SLC36A1: variants seen among roughly 807,000 people sequenced by gnomAD.
SLC36A1 encodes proton-coupled amino acid transporter 1.
SLC36A1 carries 30 observed loss-of-function variants against 47.5 expected under a neutral mutation model. That is an observed-to-expected ratio of 0.63 (90% CI 0.47 to 0.86). SLC36A1 has a LOEUF of 0.86. Among genes scored for constraint, SLC36A1 ranks in the 40% least tolerant of loss-of-function variants. The pLI, the probability that SLC36A1 is intolerant of heterozygous loss-of-function variation, is 0.00. For synonymous variants in SLC36A1, 255 were observed against 249.7 expected (o/e 1.02, Z -0.20); for missense variants, 517 against 606.0 (o/e 0.85, Z 1.54).
At chr5:151,556,066 C>T in the SLC36A1 span, among the ~76,000 whole-genome samples, 1 of 152,176 alleles carries the variant, frequency 6.6e-6, no homozygotes, top group Non-Finnish European at 1.5e-5. Flanking sequence ...TCGGTAAGTA[C>T]ATAGCACACA....
At chr5:151,385,037 T>TGTGTGTGTGTGTGTGTGTGTGA in the SLC36A1 span, among the ~76,000 whole-genome samples, 19 of 142,108 alleles carry the variant, frequency 1.3e-4, no homozygotes, top group African/African-American at 5.3e-4. Flanking sequence ...TGTGTGTGTG[T>TGTGTGTGTGTGTGTGTGTGTGA]GAGAGAGAGA....
chr5:151,504,311 C>T, the SLC36A1 span: 1,505 of 152,452 alleles, frequency 9.9e-3, 59 homozygotes, highest in East Asian at 0.13. Context: ...TATGAAAAGG[C>T]AGTGGACCAG....
intron 6 of SLC36A1, 21 bp downstream of exon 6, chr5:151,467,304 GAAAAA>G (rs373057431): frequency 8.7e-6 from 7 of 807,264 alleles, no homozygotes; most frequent in South Asian, 1.8e-5. Flanking sequence ...GGTTAAAAAA[GAAAAA>G]AAAAAAAAAA....
chr5:151,512,825 A>G, the SLC36A1 span: 2 of 572,598 alleles, frequency 3.5e-6, no homozygotes, highest in African/African-American at 3.7e-5. This position sits in a 1 kb window ranked among gnomAD's most constrained non-coding sequence, Gnocchi z 4.1. Context: ...TGGTCTGGGT[A>G]GGGGGTGACA....
At chr5:151,411,697 T>A in the SLC36A1 span, among the ~76,000 whole-genome samples, 1 of 144,596 alleles carries the variant, frequency 6.9e-6, no homozygotes, top group African/African-American at 2.5e-5. Flanking sequence ...CCTTGACACC[T>A]CCCAGAATCT....
chr5:151,522,936 A>C, the SLC36A1 span, among the ~76,000 whole-genome samples: 1 of 152,202 alleles, frequency 6.6e-6, no homozygotes, highest in Admixed American at 6.5e-5. Context: ...TCACTTAAGT[A>C]GGGAAAAGAA....
At chr5:151,492,685 T>A (rs1760214720), downstream of SLC36A1, among the ~76,000 whole-genome samples, 1 of 152,246 alleles carries the variant, frequency 6.6e-6, no homozygotes, top group African/African-American at 2.4e-5. Flanking sequence ...GCCAGTTTTA[T>A]ATGTGTCAAC....
chr5:151,427,616 A>C, the SLC36A1 span, among the ~76,000 whole-genome samples: 1 of 152,278 alleles, frequency 6.6e-6, no homozygotes, highest in South Asian at 2.1e-4. Flanking sequence ...GTAGAGCCTG[A>C]AAGGACTTCT....
At position 151,488,281 on chromosome 5, in the gene SLC36A1, C is replaced by A; in HGVS notation, c.*27C>A. 1 of 1,608,518 alleles carries A rather than the reference C, an allele frequency of 6.2e-7. No individual in the cohort carries two copies. The highest frequency in any genetic ancestry group is 1.1e-5 in the South Asian group (1 of 90,200). The stretch of plus-strand genomic sequence containing the variant: ...GATCTGGGTTCGTCTCTGCAGCTGC[C>A]TACCCCTGCCCCATGTGTCCCCCGT... On this transcript the variant is annotated 3_prime_UTR_variant, in exon 11 of 11. Transcript: ENST00000243389.
At chr5:151,553,103 G>A in the SLC36A1 span, 19 of 1,463,300 alleles carry the variant, frequency 1.3e-5, no homozygotes, top group Non-Finnish European at 1.7e-5. Context: ...CAGAAGGACT[G>A]TAGCAGGAAA....
Position 151,473,694 on chromosome 5 carries a change from C to T in SLC36A1, c.745C>T (p.Leu249Phe), listed in dbSNP as rs916160321. 3 of 1,613,544 alleles carry T rather than the reference C, an allele frequency of 1.9e-6. No homozygotes were observed. Among genetic ancestry groups the T allele is most frequent in the Non-Finnish European group, 2.5e-6 (3 of 1,179,636 alleles). ...TCAGAGGATCCCAGACCCCAGCCAC[C>T]TCCCCTTGGTGGCCCCTTGGAAGAC... Reference protein sequence around the residue: ...IVQRIPDPSHLPLVAPWKTYP... With the variant: ...IVQRIPDPSHFPLVAPWKTYP... Residue 249 changes from leucine to phenylalanine, a missense_variant, in exon 8 of 11, where the codon CTC becomes TTC. Transcript: ENST00000243389.
chr5:151,386,944 T>G, the SLC36A1 span: 1 of 152,240 alleles, frequency 6.6e-6, no homozygotes, highest in African/African-American at 2.4e-5. Flanking sequence ...TCCACAAACA[T>G]TTACTAAGCC....
At chr5:151,415,921 C>T in the SLC36A1 span, among the ~76,000 whole-genome samples, 1 of 152,106 alleles carries the variant, frequency 6.6e-6, no homozygotes. Context: ...GCCTGGCTAA[C>T]ATGGTGAAAC....
the SLC36A1 span, chr5:151,538,015 G>A: frequency 1.4e-6 from 2 of 1,436,284 alleles, no homozygotes; most frequent in Non-Finnish European, 1.9e-6. Flanking sequence ...GAAGCAGAGT[G>A]ACTGACTGAG....
downstream of SLC36A1, among the ~76,000 whole-genome samples, chr5:151,494,549 C>T (rs943780756): frequency 1.3e-5 from 2 of 152,192 alleles, no homozygotes; most frequent in Non-Finnish European, 2.9e-5. Context: ...AAAACCGTTA[C>T]ATATGTAGCC....
the SLC36A1 span, chr5:151,512,657 A>G: frequency 3.4e-6 from 5 of 1,475,658 alleles, no homozygotes; most frequent in South Asian, 5.2e-5. The surrounding 1 kb of genome is among the most constrained non-coding windows in gnomAD (Gnocchi z 4.1). Context: ...GTCCTTGTAA[A>G]CCTGCTAAGA....
At chr5:151,507,662 T>C in the SLC36A1 span, 1 of 1,496,756 alleles carries the variant, frequency 6.7e-7, no homozygotes, top group Non-Finnish European at 9.0e-7. Context: ...GCCCTTTCCA[T>C]GTCCCCTCTT....
At chr5:151,428,536 A>C in the SLC36A1 span, among the ~76,000 whole-genome samples, 21 of 152,242 alleles carry the variant, frequency 1.4e-4, no homozygotes, top group Admixed American at 4.6e-4. Flanking sequence ...ACCGTTGCCA[A>C]CTATGGATCT....
chr5:151,370,404 TCTTC>T, the SLC36A1 span, among the ~76,000 whole-genome samples: 1 of 147,976 alleles, frequency 6.8e-6, no homozygotes, highest in African/African-American at 2.4e-5. Context: ...TCATTCTGTT[TCTTC>T]CTTTTTTTTT....
Sources: gnomAD v4.1 joint callset for allele counts (sites outside exome capture counted in the v4.1 genomes callset) on GRCh38, gnomAD v4.1.1 for gene constraint, Gnocchi (gnomAD v3.1) non-coding constraint, MANE v1.5 for transcripts, NCBI Gene and HGNC (gene_info 2026-07-23, HGNC 2026-07-21) for gene names.